Variants in NAALADL2 observed in about 807,000 individuals in gnomAD.
The protein encoded by NAALADL2 is N-acetylated alpha-linked acidic dipeptidase like 2, also known as inactive N-acetylated-alpha-linked acidic dipeptidase-like protein 2.
In NAALADL2, 76 loss-of-function variants were observed where a neutral mutation model predicts 87.2. The observed-to-expected ratio is 0.87, with a 90% CI of 0.72 to 1.05. The LOEUF (loss-of-function observed/expected upper bound fraction) is 1.05. Ranked by LOEUF, NAALADL2 falls within the 50% of genes least tolerant of loss-of-function variation. The probability of loss-of-function intolerance (pLI) is 0.00; values close to 1 mark genes in which losing one functional copy is unlikely to be tolerated. For missense variants in NAALADL2, 1,089 were observed against 945.8 expected (o/e 1.15, Z -1.99); for synonymous variants, 354 against 331.0 (o/e 1.07, Z -0.75).
intron 1 of NAALADL2, among the ~76,000 whole-genome samples, chr3:174,874,429 A>C (rs1728221811): frequency 6.6e-6 from 1 of 152,184 alleles, no homozygotes; most frequent in Admixed American, 6.5e-5. Flanking sequence ...TTTCCTGCCA[A>C]ATTGACAGGT....
intron 3 of NAALADL2, among the ~76,000 whole-genome samples, chr3:174,851,027 G>A (rs1257296045): frequency 6.6e-6 from 1 of 152,088 alleles, no homozygotes; most frequent in Non-Finnish European, 1.5e-5. Flanking sequence ...GGTCATTGGA[G>A]AAGTTAAGAA....
chr3:175,388,384 G>C (rs1032168814), intron 5 of NAALADL2, among the ~76,000 whole-genome samples: 7 of 152,042 alleles, frequency 4.6e-5, no homozygotes, highest in African/African-American at 1.7e-4. Flanking sequence ...ACTTAGTGTA[G>C]ACATTGCTAG....
At chr3:175,203,604 G>A (rs1170921473) in intron 2 of NAALADL2, among the ~76,000 whole-genome samples, 3 of 121,564 alleles carry the variant, frequency 2.5e-5, no homozygotes, top group Non-Finnish European at 4.0e-5. Context: ...CACAGCGCAA[G>A]TCTCCTCATG....
intron 3 of NAALADL2, among the ~76,000 whole-genome samples, chr3:174,836,621 A>G (rs143352863): frequency 0.037 from 5,357 of 144,452 alleles, 317 homozygotes; most frequent in African/African-American, 0.13. Context: ...AGGCAGAAGA[A>G]TGGTGTGAAC....
intron 9 of NAALADL2, among the ~76,000 whole-genome samples, chr3:175,515,903 T>C (rs1731773107): frequency 6.6e-6 from 1 of 152,226 alleles, no homozygotes; most frequent in Non-Finnish European, 1.5e-5. Context: ...ATGTGTTTGG[T>C]TGCTTCAATT....
chr3:175,633,322 T>C (rs1728066479), intron 11 of NAALADL2, among the ~76,000 whole-genome samples: 1 of 152,096 alleles, frequency 6.6e-6, no homozygotes, highest in African/African-American at 2.4e-5. Flanking sequence ...TATCCTGTAT[T>C]TATTTTATGT....
intron 2 of NAALADL2, among the ~76,000 whole-genome samples, chr3:175,196,802 A>G (rs922222767): frequency 7.2e-5 from 11 of 151,886 alleles, no homozygotes; most frequent in African/African-American, 1.4e-4. Context: ...CACTGGATTC[A>G]TTTGTCTTGA....
chr3:175,329,502 T>G (rs1007806652), intron 5 of NAALADL2, among the ~76,000 whole-genome samples: 7 of 152,168 alleles, frequency 4.6e-5, no homozygotes, highest in African/African-American at 1.7e-4. Context: ...CTGACTTGAG[T>G]TGGCACTAAA....
At chr3:174,594,864 G>A (rs549597450) in intron 2 of NAALADL2, among the ~76,000 whole-genome samples, 52 of 152,328 alleles carry the variant, frequency 3.4e-4, no homozygotes, top group African/African-American at 1.1e-3. Flanking sequence ...CTTATCAACA[G>A]CTATGCGTTG....
intron 2 of NAALADL2, among the ~76,000 whole-genome samples, chr3:175,157,651 C>A (rs1244409109): frequency 6.6e-6 from 1 of 152,062 alleles, no homozygotes; most frequent in Non-Finnish European, 1.5e-5. Context: ...CACTTACCAT[C>A]TATATAGCCA....
chr3:175,640,322 T>C (rs1229728774), intron 11 of NAALADL2, among the ~76,000 whole-genome samples: 1 of 152,162 alleles, frequency 6.6e-6, no homozygotes. Context: ...CCACTTATGT[T>C]AATTTATCAG....
At chr3:175,310,322 G>A (rs969233509) in intron 4 of NAALADL2, among the ~76,000 whole-genome samples, 2 of 147,502 alleles carry the variant, frequency 1.4e-5, no homozygotes, top group African/African-American at 5.4e-5. Context: ...TATACATTTA[G>A]TCACCATTTT....
At chr3:174,918,764 A>G (rs1734751861) in intron 1 of NAALADL2, among the ~76,000 whole-genome samples, 1 of 152,164 alleles carries the variant, frequency 6.6e-6, no homozygotes, top group Non-Finnish European at 1.5e-5. Context: ...AAACCAGTCC[A>G]GATGCAGGGA....
At chr3:175,669,582 T>C (rs899756003) in intron 11 of NAALADL2, among the ~76,000 whole-genome samples, 2 of 152,086 alleles carry the variant, frequency 1.3e-5, no homozygotes, top group African/African-American at 4.8e-5. Flanking sequence ...ATTCATTGAT[T>C]AAAGCCAAGT....
chr3:174,727,841 T>C (rs1732348026), intron 2 of NAALADL2, among the ~76,000 whole-genome samples: 1 of 152,110 alleles, frequency 6.6e-6, no homozygotes, highest in Admixed American at 6.6e-5. Context: ...TGTAATAGTT[T>C]CACTGTCCTA....
chr3:175,362,394 T>A (rs1200912942), intron 5 of NAALADL2, among the ~76,000 whole-genome samples: 1 of 148,072 alleles, frequency 6.8e-6, no homozygotes, highest in East Asian at 2.0e-4. Context: ...TTTTTTCCAT[T>A]CTGTGAAGAA....
At chr3:175,718,342 T>C (rs1310738771) in intron 11 of NAALADL2, 4 of 1,602,940 alleles carry the variant, frequency 2.5e-6, no homozygotes, top group Non-Finnish European at 3.4e-6. Context: ...TTCTGCCATT[T>C]TGCTAGCACT....
intron 10 of NAALADL2, 120 bp from the exon 11 acceptor site, chr3:175,627,171 A>G: frequency 1.4e-6 from 1 of 711,718 alleles, no homozygotes; most frequent in South Asian, 1.7e-5. Context: ...GAAATCCAGC[A>G]ATCAACAGAA....
At chr3:174,631,729 A>G (rs1253147560) in intron 2 of NAALADL2, 1 of 152,206 alleles carries the variant, frequency 6.6e-6, no homozygotes, top group African/African-American at 2.4e-5. Flanking sequence ...ACTTTTCACT[A>G]TGTTTTTCTC....
Sources: gnomAD v4.1 joint callset for allele counts (sites outside exome capture counted in the v4.1 genomes callset) on GRCh38, gnomAD v4.1.1 for gene constraint, MANE v1.5 for transcripts, NCBI Gene and HGNC (gene_info 2026-07-23, HGNC 2026-07-21) for gene names.